NT5DC2: variants seen among roughly 807,000 people sequenced by gnomAD.
NT5DC2 encodes the protein 5'-nucleotidase domain containing 2.
A neutral mutation model predicts 70.0 loss-of-function variants in NT5DC2; 41 were observed. The ratio of observed to expected loss-of-function variants is 0.59; its 90% CI spans 0.46 to 0.76. NT5DC2 has a LOEUF of 0.76. Among genes scored for constraint, NT5DC2 ranks in the 30% least tolerant of loss-of-function variants. The pLI, the probability that NT5DC2 is intolerant of heterozygous loss-of-function variation, is 0.00. For synonymous variants in NT5DC2, 299 were observed against 310.4 expected (o/e 0.96, Z 0.39); for missense variants, 705 against 783.2 (o/e 0.90, Z 1.19).
upstream of NT5DC2, chr3:52,534,927 G>A (rs1295877184): frequency 2.3e-6 from 1 of 440,366 alleles, no homozygotes; most frequent in Non-Finnish European, 4.1e-6. Context: ...TGTCCCCAGG[G>A]CCCCAGTGAG....
rs759483296 is a variant in NT5DC2, at chr3:52,529,235, T to C, written c.332A>G (p.Tyr111Cys). 11 of 1,613,860 alleles carry C rather than the reference T, an allele frequency of 6.8e-6. No homozygotes were observed. The highest frequency in any genetic ancestry group is 6.7e-5 in the Admixed American group (4 of 59,984). ...LRDVEVYGFDYDYTLAQYADA... is the reference protein window; with the variant it reads ...LRDVEVYGFDCDYTLAQYADA... ...TGCATACTGGGCCAGGGTGTAGTCG[T>C]AGTCAAAGCCGTAGACCTCAACGTC... Residue 111 changes from tyrosine to cysteine, a missense_variant, in exon 2 of 14, where the codon TAC becomes TGC. Coordinates refer to ENST00000422318, the MANE Select transcript of NT5DC2 (RefSeq NM_001134231.2). This position sits in a 1 kb window ranked among gnomAD's most constrained non-coding sequence, Gnocchi z 4.1.
At position 52,529,330 on chromosome 3, in the gene NT5DC2, G is replaced by C. The variant is rs140435499; in HGVS notation, c.237C>G (p.Leu79=). The change falls in exon 2 of 14, where the codon CTC becomes CTG. Residue 79 remains leucine, a synonymous_variant. Transcript: ENST00000422318. The surrounding 1 kb of genome is among the most constrained non-coding windows in gnomAD (Gnocchi z 4.1). The stretch of plus-strand genomic sequence containing the variant: ...GGAGACTGCAGACCTCGGGGGGCAG[G>C]AGGTCTAGAGGAAGGAGATGCAGGG... ...YQDMRRLVHD[L]LPPEVCSLLN... is the part of the protein sequence containing the mutation. 8 of 1,613,390 alleles carry C rather than the reference G, an allele frequency of 5.0e-6. No homozygotes were observed. The highest frequency in any genetic ancestry group is 1.3e-5 in the African/African-American group (1 of 74,994).
chr3:52,526,053 GTGAC>G (rs59021296), intron 10 of NT5DC2: 63,431 of 151,916 alleles, frequency 0.42, 13,757 homozygotes, highest in Admixed American at 0.51. Context: ...CAGACTCCTA[GTGAC>G]TGACAGGCAG....
chr3:52,527,004 AGAGT>A (rs1194978060), intron 10 of NT5DC2, among the ~76,000 whole-genome samples: 1 of 152,174 alleles, frequency 6.6e-6, no homozygotes, highest in African/African-American at 2.4e-5. Context: ...GCTTCAGTAG[AGAGT>A]ATTACACCTC....
chr3:52,525,070 CG>C lies in NT5DC2; in HGVS notation c.1239del (p.Ala414ProfsTer22). 6.7e-7 allele frequency: 1 copy of C among 1,495,128 alleles called. No individual in the cohort carries two copies. The highest frequency in any genetic ancestry group is 9.0e-7 in the Non-Finnish European group (1 of 1,110,400). The allele number at this position is 1,495,128 out of a possible 1,614,324, so 92.6% of individuals were successfully genotyped here. ...TCACGCTCCAGCTCGGGGATGATGG[CG>C]CCTGTGCGCCAGCCGTGCCGCAGCA... ...DLMLRHGWRT[G>X]AIIPELEREI... On this transcript the variant is annotated frameshift_variant, in exon 12 of 14. Transcript: ENST00000422318. LOFTEE classifies it high-confidence loss of function.
intron 10 of NT5DC2, among the ~76,000 whole-genome samples, chr3:52,526,952 C>T (rs569936401): frequency 4.6e-5 from 7 of 152,230 alleles, no homozygotes; most frequent in Non-Finnish European, 8.8e-5. Context: ...GCATGAGCCA[C>T]GGTGCCTGGC....
chr3:52,534,597 C>A (rs538979256), upstream of NT5DC2: 6 of 1,613,926 alleles, frequency 3.7e-6, no homozygotes, highest in African/African-American at 8.0e-5. Flanking sequence ...CTAGCAACGT[C>A]GACAGGCTTT....
rs1303435542 is a variant in NT5DC2, at chr3:52,533,778, A to AGCCCGCC, written c.-48_-42dup. On this transcript the variant is annotated 5_prime_UTR_variant, in exon 1 of 14. Coordinates refer to ENST00000422318, the MANE Select transcript of NT5DC2 (RefSeq NM_001134231.2). ...CCCGCCGCCCGCGCTGCCCTCGGCC[A>AGCCCGCC]GCCCGCCGCCCGCCGCCCGCCGCCC... 1,491 of 963,414 alleles carry AGCCCGCC rather than the reference A, an allele frequency of 1.5e-3. 3 individuals are homozygous for AGCCCGCC. The highest frequency in any genetic ancestry group is 8.3e-3 in the African/African-American group (463 of 56,030). 59.7% of individuals were successfully genotyped at this position (963,414 alleles called of 1,614,324 possible). A position where few individuals can be genotyped will look rare whatever the true frequency, so the allele number is the denominator to read the frequency against.
Position 52,524,409 on chromosome 3 carries a change from G to T in NT5DC2, c.*61C>A. The stretch of plus-strand genomic sequence containing the variant: ...GCACAGGGAGGAGACCACTTTTATT[G>T]CTTGTCTGGGTGGATGGGGCAGGAG... On this transcript the variant is annotated 3_prime_UTR_variant, in exon 14 of 14. Transcript: ENST00000422318. 1 of 1,612,298 alleles carries T rather than the reference G, an allele frequency of 6.2e-7. No homozygotes were observed. Among genetic ancestry groups the T allele is most frequent in the Non-Finnish European group, 8.5e-7 (1 of 1,179,224 alleles).
intron 1 of NT5DC2, chr3:52,532,441 A>T: frequency 1.0e-6 from 1 of 985,360 alleles, no homozygotes; most frequent in African/African-American, 1.7e-5. Context: ...CAAAATGACC[A>T]TTCCTCAGGG....
At position 52,528,209 on chromosome 3, in the gene NT5DC2, G is replaced by A; in HGVS notation, c.745C>T (p.Gln249Ter). The change falls in exon 6 of 14, where the codon CAA becomes TAA. Residue 249 changes from glutamine (Q) to a stop codon, truncating the protein, a stop_gained. Transcript: ENST00000422318. LOFTEE classifies it high-confidence loss of function. ...GTCACGTCCTTGTAGAGATGTGCTTGGTCAAACTCCAGGCTGTGGCCCAGA... is the reference window on the plus strand; with the variant it reads ...GTCACGTCCTTGTAGAGATGTGCTTAGTCAAACTCCAGGCTGTGGCCCAGA... ...YFLGHSLEFD[Q>*]AHLYKDVTDA... is the part of the protein sequence containing the mutation. The A allele has an allele frequency of 6.2e-7, 1 of 1,613,288 alleles. No homozygotes were observed. The highest frequency in any genetic ancestry group is 8.5e-7 in the Non-Finnish European group (1 of 1,180,028).
Position 52,524,537 on chromosome 3 carries a change from C to A in NT5DC2, c.1607G>T (p.Trp536Leu), listed in dbSNP as rs2079205562. ...RTPLQHEAPLWMDQLCTGCMK... is the reference protein window; with the variant it reads ...RTPLQHEAPLLMDQLCTGCMK... ...GCAGCCGGTGCAGAGCTGGTCCATC[C>A]AGAGGGGTGCCTCGTGCTGCAGCGG... Residue 536 changes from tryptophan (W) to leucine (L), a missense_variant, in exon 14 of 14, where the codon TGG becomes TTG. Coordinates refer to ENST00000422318, the MANE Select transcript of NT5DC2 (RefSeq NM_001134231.2). The A allele has an allele frequency of 6.2e-7, 1 of 1,612,966 alleles. No individual in the cohort carries two copies. The highest frequency in any genetic ancestry group is 1.1e-5 in the South Asian group (1 of 91,092).
At chr3:52,534,096 T>A (rs1049438084), upstream of NT5DC2, 6 of 263,680 alleles carry the variant, frequency 2.3e-5, no homozygotes, top group Non-Finnish European at 3.6e-5. Context: ...CGGCCGTCCC[T>A]GAGAGGCTCC....
chr3:52,534,347 T>C (rs1428275014), upstream of NT5DC2: 7 of 918,186 alleles, frequency 7.6e-6, no homozygotes, highest in South Asian at 7.2e-5. Context: ...GCCAGTCCAC[T>C]CACTGGTCTA....
Position 52,527,687 on chromosome 3 carries a change from C to T in NT5DC2, c.967G>A (p.Asp323Asn), listed in dbSNP as rs763764594. 2.6e-5 allele frequency: 42 copies of T among 1,613,150 alleles called. 1 individual carries two copies. Among genetic ancestry groups the T allele is most frequent in the East Asian group, 2.4e-4 (11 of 44,902 alleles). Residue 323 changes from aspartate to asparagine, a missense_variant, in exon 9 of 14, where the codon GAT becomes AAT. Asp to Asn is a conservative substitution (Grantham distance 23). Transcript: ENST00000422318. ...DKGMRHMVGP[D>N]WRQLFDVVIV... ...ACCACATCGAAGAGCTGGCGCCAAT[C>T]GGGACCCACCATGTGCCGCATCCCC...
In NT5DC2 at chr3:52,529,596, G is replaced by A. The variant is rs2079333083; in HGVS notation, c.233-262C>T. 6.6e-6 allele frequency among the ~76,000 whole-genome samples: 1 copy of A among 151,978 alleles called. No individual in the cohort carries two copies. The highest frequency in any genetic ancestry group is 2.4e-5 in the African/African-American group (1 of 41,356). On this transcript the variant is annotated intron_variant, in intron 1 of 13. Coordinates refer to ENST00000422318, the MANE Select transcript of NT5DC2 (RefSeq NM_001134231.2). The surrounding 1 kb of genome is among the most constrained non-coding windows in gnomAD (Gnocchi z 4.1). Reference sequence around the variant, plus strand: ...TGCCTACATTACACTATCTCCTATAGCCCACCAGGTATACTGAGCCCGTGA... The same window carrying A: ...TGCCTACATTACACTATCTCCTATAACCCACCAGGTATACTGAGCCCGTGA...
At chr3:52,534,413 C>T (rs2079402786), upstream of NT5DC2, 4 of 1,544,162 alleles carry the variant, frequency 2.6e-6, no homozygotes, top group East Asian at 9.1e-5. Flanking sequence ...TGGGGGAGGC[C>T]GAGGGGCCTG....
upstream of NT5DC2, chr3:52,534,600 C>G (rs942697155): frequency 1.2e-6 from 2 of 1,613,950 alleles, no homozygotes; most frequent in Non-Finnish European, 1.7e-6. Context: ...GCAACGTCGA[C>G]AGGCTTTCCA....
Position 52,531,206 on chromosome 3 carries a change from C to T in NT5DC2, c.233-1872G>A, listed in dbSNP as rs531860459. Among the ~76,000 whole-genome samples, 14 of 152,270 alleles carry T rather than the reference C, an allele frequency of 9.2e-5. No individual in the cohort carries two copies. Among genetic ancestry groups the T allele is most frequent in the East Asian group, 7.8e-4 (4 of 5,152 alleles). On this transcript the variant is annotated intron_variant, in intron 1 of 13. Transcript: ENST00000422318. This position sits in a 1 kb window ranked among gnomAD's most constrained non-coding sequence, Gnocchi z 4.1. ...GGTGTGGGTGGGGGATCAGGTGTGGCTGGTTCCCCAGGCCAGCACAGAGCG... is the reference window on the plus strand; with the variant it reads ...GGTGTGGGTGGGGGATCAGGTGTGGTTGGTTCCCCAGGCCAGCACAGAGCG...
Sources: allele counts gnomAD v4.1 joint callset (sites outside exome capture counted in the v4.1 genomes callset), GRCh38; gene constraint gnomAD v4.1.1; non-coding constraint Gnocchi (gnomAD v3.1); transcripts MANE v1.5; gene names NCBI Gene and HGNC (gene_info 2026-07-23, HGNC 2026-07-21).